ZNF280D: variants seen among roughly 807,000 people sequenced by gnomAD.
ZNF280D encodes the protein zinc finger protein 280D.
Under a neutral mutation model 94.7 loss-of-function variants are expected in ZNF280D, and 39 were observed. The ratio of observed to expected loss-of-function variants is 0.41; its 90% confidence interval spans 0.32 to 0.54. The LOEUF is 0.54. Ranked by LOEUF, ZNF280D falls within the 20% of genes least tolerant of loss-of-function variation. The probability of loss-of-function intolerance (pLI) is 0.22; values close to 1 mark genes in which losing one functional copy is unlikely to be tolerated. For missense variants in ZNF280D, 1,090 were observed against 1,149.3 expected, an observed-to-expected ratio of 0.95 and a Z score of 0.75; for synonymous variants, 398 against 377.6, an observed-to-expected ratio of 1.05 and a Z score of -0.63.
intron 1 of ZNF280D, chr15:56,730,263 CAA>C (rs2058823177): frequency 6.6e-6 from 1 of 152,096 alleles, no homozygotes; most frequent in Non-Finnish European, 1.5e-5. Flanking sequence ...TCTGAAAATT[CAA>C]AGTTTTTAAT....
At chr15:56,714,957 A>T (rs79004442) in intron 1 of ZNF280D, among the ~76,000 whole-genome samples, 5,551 of 152,284 alleles carry the variant, frequency 0.036, 351 homozygotes, top group Admixed American at 0.16. Flanking sequence ...TAGGGGGATT[A>T]TGATGAATAC....
rs1471340837 is a variant in ZNF280D, at chr15:56,733,446, G to C, written c.-86+12C>G. On this transcript the variant is annotated intron_variant, in intron 1 of 21. Transcript: ENST00000267807. ...TGCAGCGCAGGGCGGGCGGGGGCGG[G>C]GGGGCGCTTACCGTGAGCGGAGCGG... 1 of 1,063,658 alleles carries C rather than the reference G, an allele frequency of 9.4e-7. No homozygotes were observed. Among genetic ancestry groups the C allele is most frequent in the African/African-American group, 1.7e-5 (1 of 57,702 alleles). The allele number at this position is 1,063,658 out of a possible 1,614,324, so 65.9% of individuals were successfully genotyped here. A position where few individuals can be genotyped will look rare whatever the true frequency, so the allele number is the denominator to read the frequency against.
At chr15:56,640,278 GGT>G (rs2052565354) in intron 20 of ZNF280D, among the ~76,000 whole-genome samples, 1 of 151,836 alleles carries the variant, frequency 6.6e-6, no homozygotes, top group South Asian at 2.1e-4. Flanking sequence ...CTTTGTGTGT[GGT>G]GTGTTTTTGT....
At chr15:56,689,596 A>G (rs1454957816) in intron 7 of ZNF280D, 126 bp from the exon 8 acceptor site, 1 of 574,210 alleles carries the variant, frequency 1.7e-6, no homozygotes, top group East Asian at 3.3e-5. Context: ...GACAATAATG[A>G]TAAAACTTGA....
chr15:56,723,175 G>T (rs1012408395), intron 1 of ZNF280D, among the ~76,000 whole-genome samples: 1 of 151,722 alleles, frequency 6.6e-6, no homozygotes, highest in African/African-American at 2.4e-5. Context: ...ACATGTATAC[G>T]TATGTAACTA....
At chr15:56,689,272 C>CT (rs2056272398) in intron 8 of ZNF280D, 28 bp downstream of exon 8, 10 of 1,583,878 alleles carry the variant, frequency 6.3e-6, no homozygotes, top group Non-Finnish European at 7.7e-6. Context: ...ACTATAACTT[C>CT]TTTTTATGTA....
intron 19 of ZNF280D, among the ~76,000 whole-genome samples, chr15:56,646,415 C>A (rs1439560114): frequency 6.6e-6 from 1 of 151,928 alleles, no homozygotes; most frequent in Non-Finnish European, 1.5e-5. Flanking sequence ...CTGGCTTGAG[C>A]AAAACAGCAA....
chr15:56,706,944 T>C (rs1313890714), intron 3 of ZNF280D, 138 bp downstream of exon 3: 11 of 741,550 alleles, frequency 1.5e-5, no homozygotes, highest in Non-Finnish European at 2.5e-5. Flanking sequence ...TACTTGTTTT[T>C]ATGTGAACAT....
intron 7 of ZNF280D, among the ~76,000 whole-genome samples, chr15:56,690,159 G>T (rs1440158243): frequency 2.0e-5 from 3 of 152,266 alleles, no homozygotes; most frequent in African/African-American, 7.2e-5. Flanking sequence ...GAGGCAGACA[G>T]ATCACGAGGT....
chr15:56,686,387 C>G (rs1002191448), intron 9 of ZNF280D, among the ~76,000 whole-genome samples: 4 of 152,182 alleles, frequency 2.6e-5, no homozygotes, highest in African/African-American at 9.7e-5. Flanking sequence ...GATCTGCTGG[C>G]CTCGGCCTCC....
At chr15:56,680,811 T>G (rs2055565093) in intron 10 of ZNF280D, among the ~76,000 whole-genome samples, 1 of 152,134 alleles carries the variant, frequency 6.6e-6, no homozygotes. Context: ...GGGCTAATCT[T>G]AAAGGAAAGG....
intron 9 of ZNF280D, among the ~76,000 whole-genome samples, chr15:56,686,509 C>A (rs1468349456): frequency 6.6e-6 from 1 of 152,010 alleles, no homozygotes; most frequent in Non-Finnish European, 1.5e-5. Context: ...AACAAAATTG[C>A]AATATATGAA....
intron 6 of ZNF280D, among the ~76,000 whole-genome samples, chr15:56,696,163 T>C (rs1375480363): frequency 1.3e-5 from 2 of 152,330 alleles, no homozygotes; most frequent in East Asian, 3.9e-4. Context: ...ATGTAGTATT[T>C]TCTTTTTATC....
At chr15:56,662,893 G>A (rs1171161404) in intron 16 of ZNF280D, among the ~76,000 whole-genome samples, 6 of 151,042 alleles carry the variant, frequency 4.0e-5, no homozygotes, top group Non-Finnish European at 7.4e-5. Context: ...AGTAACGGCT[G>A]TGGTGATCAG....
Position 56,635,207 on chromosome 15 carries a change from G to A in ZNF280D, c.2303C>T (p.Ser768Leu). ...TCCTTATATTTACCTTTCAGAATTT[G>A]ATGTTTCTGTTTCTCTTTCAGCCAT... is the stretch of plus-strand genomic sequence containing the variant. The part of the protein sequence containing the change: ...PNMAERETET[S>L]NSESKQDKAA... Residue 768 changes from serine (S) to leucine (L), a missense_variant, in exon 21 of 22, where the codon TCA becomes TTA. Physicochemically the swap from Ser to Leu is moderately radical, Grantham distance 145. Transcript: ENST00000267807. 6.4e-7 allele frequency: 1 copy of A among 1,553,422 alleles called. No individual in the cohort carries two copies.
rs754684121 is a variant in ZNF280D at position 56,707,141 on chromosome 15, C to G, written c.-32G>C. The G allele has an allele frequency of 1.2e-6, 2 of 1,613,544 alleles. No homozygotes were observed. The highest frequency in any genetic ancestry group is 4.5e-5 in the East Asian group (2 of 44,846). On this transcript the variant is annotated 5_prime_UTR_variant, in exon 3 of 22. Coordinates refer to ENST00000267807, the MANE Select transcript of ZNF280D (RefSeq NM_017661.4). ...GCAGAGATGACTTTCTGTAAATTGT[C>G]ACCTAAGTACTGACACATGATATCA...
chr15:56,677,505 G>T lies in ZNF280D; in HGVS notation c.1263+69C>A. ...AAGTTTGCTGACCGCTGGTCTAATA[G>T]GCTTAAATTTTATAACCAAAACAAC... On this transcript the variant is annotated intron_variant, in intron 12 of 21. Transcript: ENST00000267807. The T allele has an allele frequency of 2.6e-6, 3 of 1,159,064 alleles. No individual in the cohort carries two copies. The South Asian group carries it at 3.7e-5, about 14-fold the overall frequency. 71.8% of individuals were successfully genotyped at this position (1,159,064 alleles called of 1,614,324 possible). A position where few individuals can be genotyped will look rare whatever the true frequency, so the allele number is the denominator to read the frequency against.
chr15:56,730,871 C>T (rs185664830), intron 1 of ZNF280D, among the ~76,000 whole-genome samples: 46 of 152,296 alleles, frequency 3.0e-4, no homozygotes, highest in Non-Finnish European at 6.3e-4. Context: ...GCCAAAATAT[C>T]ACACCACAAA....
At chr15:56,637,030 T>C (rs1362976258) in intron 20 of ZNF280D, among the ~76,000 whole-genome samples, 1 of 152,152 alleles carries the variant, frequency 6.6e-6, no homozygotes, top group African/African-American at 2.4e-5. Flanking sequence ...GTCCACGTAC[T>C]TAACAATCCT....
Sources: gnomAD v4.1 joint callset for allele counts (sites outside exome capture counted in the v4.1 genomes callset) on GRCh38, gnomAD v4.1.1 for gene constraint, MANE v1.5 for transcripts, NCBI Gene and HGNC (gene_info 2026-07-23, HGNC 2026-07-21) for gene names.